Variants in IL1RAPL1 observed in about 807,000 individuals in gnomAD.
The protein encoded by IL1RAPL1 is interleukin 1 receptor accessory protein like 1.
IL1RAPL1 carries 3 observed loss-of-function variants against 48.4 expected under a neutral mutation model. The observed-to-expected ratio is 0.06, with a 90% confidence interval of 0.03 to 0.16. The LOEUF is 0.16. Ranked by LOEUF, IL1RAPL1 falls within the 10% of genes least tolerant of loss-of-function variation. IL1RAPL1 has a pLI of 1.00. For synonymous variants in IL1RAPL1, 185 were observed against 187.7 expected (o/e 0.99, Z 0.12); for missense variants, 349 against 530.6 (o/e 0.66, Z 3.36).
At chrX:29,148,452 A>G (rs1929393594) in intron 2 of IL1RAPL1, among the ~76,000 whole-genome samples, 1 of 112,068 alleles carries the variant, frequency 8.9e-6, no homozygotes, top group Non-Finnish European at 1.9e-5. Context: ...CCATGAATCA[A>G]TTTATTTAGA....
At chrX:29,732,319 A>G (rs1927940290) in intron 6 of IL1RAPL1, among the ~76,000 whole-genome samples, 1 of 111,851 alleles carries the variant, frequency 8.9e-6, no homozygotes, top group Admixed American at 9.5e-5. Context: ...AACTGTTACG[A>G]TAGCTAGAAC....
intron 2 of IL1RAPL1, among the ~76,000 whole-genome samples, chrX:29,039,513 T>G (rs1463871619): frequency 9.0e-6 from 1 of 111,370 alleles, no homozygotes; most frequent in Non-Finnish European, 1.9e-5. Flanking sequence ...CCCTATTTAT[T>G]GAGAAGGACA....
At chrX:29,071,127 A>C (rs1927556889) in intron 2 of IL1RAPL1, among the ~76,000 whole-genome samples, 1 of 112,221 alleles carries the variant, frequency 8.9e-6, no homozygotes, top group African/African-American at 3.2e-5. Context: ...CTACAAGGTA[A>C]TCCTGTTGAA....
At chrX:29,715,340 TG>T (rs1927453580) in intron 6 of IL1RAPL1, among the ~76,000 whole-genome samples, 1 of 111,176 alleles carries the variant, frequency 9.0e-6, no homozygotes, top group Admixed American at 9.6e-5. Flanking sequence ...AAGTCTAGGG[TG>T]GGGCAAGAGA....
intron 1 of IL1RAPL1, among the ~76,000 whole-genome samples, chrX:28,644,289 T>C (rs191024701): frequency 8.9e-6 from 1 of 111,760 alleles, no homozygotes; most frequent in East Asian, 2.8e-4. Flanking sequence ...ACAGATCTTA[T>C]GTTTTTGCCA....
At chrX:29,551,912 T>C (rs1261232258) in intron 5 of IL1RAPL1, among the ~76,000 whole-genome samples, 2 of 110,735 alleles carry the variant, frequency 1.8e-5, no homozygotes, top group Non-Finnish European at 3.8e-5. Context: ...TCTGGTCCCT[T>C]CCCTGAGTTT....
intron 3 of IL1RAPL1, among the ~76,000 whole-genome samples, chrX:29,342,145 TGTGTGTGTG>T (rs1324274276): frequency 0.019 from 1,903 of 98,868 alleles, 46 homozygotes; most frequent in African/African-American, 0.079. Context: ...TGTGTGTGTG[TGTGTGTGTG>T]TTTGTTTTGT....
At chrX:29,806,057 TAGGGA>T (rs1428405379) in intron 6 of IL1RAPL1, among the ~76,000 whole-genome samples, 31 of 108,356 alleles carry the variant, frequency 2.9e-4, no homozygotes, top group Non-Finnish European at 5.6e-4. Flanking sequence ...GGGCAGAGAA[TAGGGA>T]TCAGAAATAC....
intron 2 of IL1RAPL1, among the ~76,000 whole-genome samples, chrX:28,999,078 G>A (rs965950755): frequency 2.7e-5 from 3 of 111,211 alleles, no homozygotes; most frequent in Non-Finnish European, 5.7e-5. Context: ...GGCTGTTAGA[G>A]CTCTACAACA....
intron 2 of IL1RAPL1, among the ~76,000 whole-genome samples, chrX:28,922,308 T>C (rs1267661952): frequency 1.8e-5 from 2 of 112,043 alleles, no homozygotes; most frequent in Admixed American, 9.5e-5. Flanking sequence ...TGTTGGGCAA[T>C]GTAGTCCTGC....
At chrX:28,768,755 C>CTATA (rs1207885215) in intron 1 of IL1RAPL1, among the ~76,000 whole-genome samples, 648 of 34,673 alleles carry the variant, frequency 0.019, 9 homozygotes, top group Middle Eastern at 0.08. Context: ...CTCTCTCTCT[C>CTATA]TATATATATA....
intron 2 of IL1RAPL1, among the ~76,000 whole-genome samples, chrX:29,189,351 A>G (rs950731840): frequency 8.9e-6 from 1 of 111,780 alleles, no homozygotes; most frequent in African/African-American, 3.2e-5. Context: ...TTTATGTTGC[A>G]AATCTCTTGT....
intron 8 of IL1RAPL1, among the ~76,000 whole-genome samples, chrX:29,924,934 G>A (rs1436955805): frequency 2.7e-5 from 3 of 111,687 alleles, no homozygotes; most frequent in Non-Finnish European, 5.6e-5. Flanking sequence ...ACATCATTTA[G>A]GATGCATTGT....
intron 6 of IL1RAPL1, among the ~76,000 whole-genome samples, chrX:29,808,674 T>C (rs138953303): frequency 0.045 from 5,031 of 111,576 alleles, 271 homozygotes; most frequent in African/African-American, 0.16. Context: ...TATATTTCTC[T>C]TCATATTCTG....
At chrX:28,782,594 A>G (rs1936434889) in intron 1 of IL1RAPL1, among the ~76,000 whole-genome samples, 1 of 112,005 alleles carries the variant, frequency 8.9e-6, no homozygotes, top group Admixed American at 9.5e-5. Flanking sequence ...CGTCAGTTTA[A>G]AAAGAAAAAG....
At chrX:29,349,809 G>T (rs1377085429) in intron 3 of IL1RAPL1, among the ~76,000 whole-genome samples, 1 of 109,743 alleles carries the variant, frequency 9.1e-6, no homozygotes, top group Non-Finnish European at 1.9e-5. Flanking sequence ...CGCAGGGAGT[G>T]TAAATGGTGC....
chrX:29,051,380 C>A (rs1927089681), intron 2 of IL1RAPL1, among the ~76,000 whole-genome samples: 1 of 112,235 alleles, frequency 8.9e-6, no homozygotes, highest in African/African-American at 3.2e-5. Context: ...TCCTTGGTGC[C>A]ATGTCCTAGA....
intron 6 of IL1RAPL1, among the ~76,000 whole-genome samples, chrX:29,703,010 GA>G (rs1927093861): frequency 8.9e-6 from 1 of 112,128 alleles, no homozygotes; most frequent in East Asian, 2.8e-4. Context: ...AGAACAAAGA[GA>G]AAATCATCTT....
chrX:29,773,985 C>G (rs1297094258), intron 6 of IL1RAPL1, among the ~76,000 whole-genome samples: 3 of 111,322 alleles, frequency 2.7e-5, no homozygotes, highest in African/African-American at 9.8e-5. Context: ...ACTATTCACA[C>G]AACACATACA....
Sources: allele counts gnomAD v4.1 joint callset (sites outside exome capture counted in the v4.1 genomes callset), GRCh38; gene constraint gnomAD v4.1.1; transcripts MANE v1.5; gene names NCBI Gene and HGNC (gene_info 2026-07-23, HGNC 2026-07-21).